Variants in BPIFC observed in about 807,000 individuals in gnomAD.
The protein encoded by BPIFC is BPI fold-containing family C protein.
BPIFC carries 60 observed loss-of-function variants against 57.6 expected under a neutral mutation model. The observed-to-expected ratio is 1.04, with a 90% CI of 0.85 to 1.29. The LOEUF is 1.29. Among genes scored for constraint, BPIFC ranks in the 50% most tolerant of loss-of-function variants. The probability of loss-of-function intolerance (pLI) is 0.00; values close to 1 mark genes in which losing one functional copy is unlikely to be tolerated. For missense variants in BPIFC, 581 were observed against 600.5 expected, an observed-to-expected ratio of 0.97 and a Z score of 0.34; for synonymous variants, 243 against 224.5, an observed-to-expected ratio of 1.08 and a Z score of -0.74.
intron 15 of BPIFC, among the ~76,000 whole-genome samples, chr22:32,416,255 G>A (rs1201237248): frequency 1.3e-5 from 2 of 151,958 alleles, no homozygotes; most frequent in Admixed American, 6.6e-5. Flanking sequence ...AAGTTTTTTT[G>A]TATTTTTAGT....
In BPIFC at chr22:32,462,669, A is replaced by G. The variant is rs192490542; in HGVS notation, c.-88-1008T>C. On this transcript the variant is annotated intron_variant, in intron 1 of 16. Transcript: ENST00000300399. ...TCTGATGACTCGTCCAAGATCCCAC[A>G]GTAAGTAAGGCACCTGGGAACCCAA... Among the ~76,000 whole-genome samples the G allele has an allele frequency of 2.0e-4, 31 of 152,324 alleles. 3 individuals carry two copies. Among genetic ancestry groups the G allele is most frequent in the African/African-American group, 7.5e-4 (31 of 41,584 alleles).
chr22:32,445,713 G>GAAAAAACAAAAAAAAAAAAAAAAAA lies in BPIFC; in HGVS notation c.531-16_531-15insTTTTTTTTTTTTTTTTTTGTTTTTT. The GAAAAAACAAAAAAAAAAAAAAAAAA allele has an allele frequency of 1.4e-6, 1 of 707,314 alleles. No individual in the cohort carries two copies. The highest frequency in any genetic ancestry group is 1.9e-6 in the Non-Finnish European group (1 of 517,030). The allele number at this position is 707,314 out of a possible 1,614,324, so 43.8% of individuals were successfully genotyped here. A position where few individuals can be genotyped will look rare whatever the true frequency, so the allele number is the denominator to read the frequency against. On this transcript the variant is annotated splice_polypyrimidine_tract_variant and intron_variant, in intron 6 of 16. Transcript: ENST00000300399. Reference sequence around the variant, plus strand: ...TATACAGAACACTGAGGAAAAAAATGAAAAAAAAAAAAAAAAAAAAAAGAG... The same window carrying GAAAAAACAAAAAAAAAAAAAAAAAA: ...TATACAGAACACTGAGGAAAAAAATGAAAAAACAAAAAAAAAAAAAAAAAAAAAAAAAAAAAAAAAAAAAAAAGAG...
chr22:32,423,682 C>CA (rs1429256942), intron 13 of BPIFC, among the ~76,000 whole-genome samples: 1 of 139,914 alleles, frequency 7.1e-6, no homozygotes, highest in Non-Finnish European at 1.5e-5. Flanking sequence ...AAAAAAAAAA[C>CA]AAAAAAACCT....
At chr22:32,441,953 AC>A (rs1934577753) in intron 8 of BPIFC, among the ~76,000 whole-genome samples, 1 of 152,046 alleles carries the variant, frequency 6.6e-6, no homozygotes, top group African/African-American at 2.4e-5. Flanking sequence ...TAGGGTTCGC[AC>A]TCCTATGAGA....
intron 13 of BPIFC, among the ~76,000 whole-genome samples, chr22:32,428,746 A>G (rs1934144170): frequency 1.3e-5 from 2 of 152,022 alleles, no homozygotes; most frequent in African/African-American, 4.8e-5. Flanking sequence ...AAAAAATACA[A>G]AAATTAGCCA....
At chr22:32,439,759 CCTGCGCCACCACCTCTGG>C (rs1238205563) in intron 8 of BPIFC, among the ~76,000 whole-genome samples, 40 of 152,136 alleles carry the variant, frequency 2.6e-4, no homozygotes, top group Non-Finnish European at 5.3e-4. Context: ...GGATTACAGG[CCTGCGCCACCACCTCTGG>C]CTAATTTTTG....
intron 13 of BPIFC, among the ~76,000 whole-genome samples, chr22:32,429,506 TTTG>T (rs1293237265): frequency 1.2e-4 from 15 of 128,902 alleles, no homozygotes; most frequent in African/African-American, 3.8e-4. Flanking sequence ...GCAACTGGCC[TTTG>T]TTTTTTTTTT....
Position 32,435,844 on chromosome 22 carries a change from G to C in BPIFC, c.784C>G (p.Pro262Ala), listed in dbSNP as rs746396523. The part of the protein sequence containing the change: ...FYPLENLTDP[P>A]FSPVPFVLPE... ...AGCACAAAAGGAACTGGTGAGAAGG[G>C]GGGGTCGGTGAGGTTTTCCAGTGGG... The change falls in exon 10 of 17, where the codon CCC becomes GCC. Residue 262 changes from proline to alanine, a missense_variant. Pro to Ala is a conservative substitution (Grantham distance 27). Coordinates refer to ENST00000300399, the MANE Select transcript of BPIFC (RefSeq NM_174932.3). 7.4e-6 allele frequency: 12 copies of C among 1,614,038 alleles called. No homozygotes were observed. The highest frequency in any genetic ancestry group is 2.2e-5 in the East Asian group (1 of 44,880).
Position 32,464,390 on chromosome 22 carries a change from G to A in BPIFC, c.-105C>T. 1 of 985,334 alleles carries A rather than the reference G, an allele frequency of 1.0e-6. No homozygotes were observed. The allele number at this position is 985,334 out of a possible 1,614,324, so 61.0% of individuals were successfully genotyped here. ...GAGTCTTACCTCAAGCAGAGGAAGTGTCCAAAGCTGGAGAGCACCTTCGAT... is the reference window on the plus strand; with the variant it reads ...GAGTCTTACCTCAAGCAGAGGAAGTATCCAAAGCTGGAGAGCACCTTCGAT... On this transcript the variant is annotated 5_prime_UTR_variant, in exon 1 of 17. Coordinates refer to ENST00000300399, the MANE Select transcript of BPIFC (RefSeq NM_174932.3).
chr22:32,424,072 T>A (rs954173384), intron 13 of BPIFC, among the ~76,000 whole-genome samples: 1 of 152,064 alleles, frequency 6.6e-6, no homozygotes, highest in African/African-American at 2.4e-5. Flanking sequence ...GGAACAAATA[T>A]TTCTGGATCA....
chr22:32,446,520 T>C (rs1306847090), intron 5 of BPIFC, among the ~76,000 whole-genome samples: 2 of 152,240 alleles, frequency 1.3e-5, no homozygotes, highest in African/African-American at 4.8e-5. Context: ...CATGAATCTA[T>C]GTTGCTGTGG....
chr22:32,435,610 G>T, intron 10 of BPIFC, 94 bp downstream of exon 10: 1 of 1,342,658 alleles, frequency 7.4e-7, no homozygotes, highest in Non-Finnish European at 1.0e-6. Flanking sequence ...AAAGGTCCCA[G>T]AATCGAAATT....
intron 4 of BPIFC, among the ~76,000 whole-genome samples, chr22:32,447,607 CTTT>C (rs11375413): frequency 7.5e-5 from 10 of 132,804 alleles, no homozygotes; most frequent in Admixed American, 2.4e-4. Context: ...CTCTCGCTCT[CTTT>C]TTTTTTTTTT....
At chr22:32,455,651 G>A (rs781501319) in intron 3 of BPIFC, among the ~76,000 whole-genome samples, 22 of 152,218 alleles carry the variant, frequency 1.4e-4, no homozygotes, top group Non-Finnish European at 3.1e-4. Flanking sequence ...TGGAGGAACA[G>A]GGAGTAGATG....
chr22:32,445,587 T>C, intron 7 of BPIFC, 48 bp downstream of exon 7: 2 of 1,467,960 alleles, frequency 1.4e-6, no homozygotes, highest in Non-Finnish European at 1.9e-6. Context: ...ATGATAGAAC[T>C]TCTACTAATG....
At chr22:32,429,572 A>C (rs1934182204) in intron 13 of BPIFC, among the ~76,000 whole-genome samples, 1 of 132,936 alleles carries the variant, frequency 7.5e-6, no homozygotes. Context: ...GCTGGAGTGC[A>C]GTGGCGCAAT....
intron 3 of BPIFC, 103 bp downstream of exon 3, chr22:32,457,160 C>A: frequency 1.5e-6 from 2 of 1,344,032 alleles, no homozygotes; most frequent in South Asian, 1.6e-5. Context: ...CACAGTACGG[C>A]GTTTCTCAGT....
chr22:32,424,151 T>C (rs547659967), intron 13 of BPIFC, among the ~76,000 whole-genome samples: 3 of 152,160 alleles, frequency 2.0e-5, no homozygotes, highest in African/African-American at 7.2e-5. Flanking sequence ...ACAACAACCC[T>C]ATGGAGGGGT....
In BPIFC at chr22:32,445,994, T is replaced by C. The variant is rs774411840; in HGVS notation, c.377A>G (p.Gln126Arg). 6.2e-7 allele frequency: 1 copy of C among 1,613,982 alleles called. No individual in the cohort carries two copies. ...AAACAGATCAGCCCCTCCTGTGTCT[T>C]GGCTGTTTAAAGAAGTGCAAGGTTA... ...TDWGFESPLFQDTGGADLFLS... is the reference protein window; with the variant it reads ...TDWGFESPLFRDTGGADLFLS... Residue 126 changes from glutamine to arginine, a missense_variant and splice_region_variant, in exon 6 of 17, where the codon CAA becomes CGA. Transcript: ENST00000300399.
Sources: gnomAD v4.1 joint callset for allele counts (sites outside exome capture counted in the v4.1 genomes callset) on GRCh38, gnomAD v4.1.1 for gene constraint, MANE v1.5 for transcripts, NCBI Gene and HGNC (gene_info 2026-07-23, HGNC 2026-07-21) for gene names.